CAMTA1: variants seen among roughly 807,000 people sequenced by gnomAD.
The protein encoded by CAMTA1 is calmodulin-binding transcription activator 1.
CAMTA1 carries 27 observed loss-of-function variants against 170.9 expected under a neutral mutation model. That is an observed-to-expected ratio of 0.16 (90% CI 0.12 to 0.22). The LOEUF is 0.22. CAMTA1 is among the 10% of genes least tolerant of loss of function. The pLI, the probability that CAMTA1 is intolerant of heterozygous loss-of-function variation, is 1.00. For missense variants in CAMTA1, 1,619 were observed against 2,217.2 expected, an observed-to-expected ratio of 0.73 and a Z score of 5.42; for synonymous variants, 833 against 891.5, an observed-to-expected ratio of 0.93 and a Z score of 1.17.
intron 5 of CAMTA1, among the ~76,000 whole-genome samples, chr1:7,360,829 C>T (rs845194): frequency 0.64 from 97,039 of 152,112 alleles, 32,511 homozygotes; most frequent in Middle Eastern, 0.76. Context: ...ACTTTCTCCA[C>T]GCCGGAGTTG....
intron 5 of CAMTA1, among the ~76,000 whole-genome samples, chr1:7,391,625 T>G (rs554316036): frequency 1.3e-5 from 2 of 152,296 alleles, no homozygotes; most frequent in South Asian, 4.1e-4. Context: ...AGATGGTTTC[T>G]ATCAGCTCAA....
intron 3 of CAMTA1, among the ~76,000 whole-genome samples, chr1:6,838,818 G>A (rs1654396817): frequency 1.3e-5 from 2 of 152,136 alleles, no homozygotes; most frequent in Admixed American, 1.3e-4. Context: ...GTGCAATGGT[G>A]CGATTATAGC....
At chr1:6,871,008 A>G (rs980631593) in intron 3 of CAMTA1, among the ~76,000 whole-genome samples, 1 of 152,244 alleles carries the variant, frequency 6.6e-6, no homozygotes, top group African/African-American at 2.4e-5. Flanking sequence ...AAACAAAACC[A>G]TAGGTCTATC....
At chr1:7,541,072 A>G (rs1266559722) in intron 6 of CAMTA1, among the ~76,000 whole-genome samples, 1 of 152,240 alleles carries the variant, frequency 6.6e-6, no homozygotes, top group Non-Finnish European at 1.5e-5. Context: ...GCTGGGCAGG[A>G]CAGAGTGACC....
intron 6 of CAMTA1, among the ~76,000 whole-genome samples, chr1:7,559,100 G>A (rs1269083041): frequency 7.9e-5 from 12 of 152,198 alleles, no homozygotes; most frequent in Non-Finnish European, 1.3e-4. Flanking sequence ...CATGGCAGCC[G>A]CTCAGGAAGG....
intron 5 of CAMTA1, among the ~76,000 whole-genome samples, chr1:7,353,500 A>T (rs1034521158): frequency 6.9e-6 from 1 of 144,906 alleles, no homozygotes; most frequent in Admixed American, 7.3e-5. Flanking sequence ...ATCGTGGCTC[A>T]CTGCAACCTC....
intron 3 of CAMTA1, among the ~76,000 whole-genome samples, chr1:7,043,224 CCCT>C (rs1248308003): frequency 6.6e-6 from 1 of 152,188 alleles, no homozygotes; most frequent in East Asian, 1.9e-4. Flanking sequence ...GAGGCAGGGG[CCCT>C]CCTCTTTCCC....
At chr1:7,244,613 C>T (rs981508295) in intron 4 of CAMTA1, among the ~76,000 whole-genome samples, 3 of 152,000 alleles carry the variant, frequency 2.0e-5, no homozygotes, top group Admixed American at 6.6e-5. Flanking sequence ...AAGCTGGAAA[C>T]CATCATTCTC....
chr1:7,368,435 G>A (rs1330504440), intron 5 of CAMTA1, among the ~76,000 whole-genome samples: 1 of 151,950 alleles, frequency 6.6e-6, no homozygotes, highest in Non-Finnish European at 1.5e-5. Flanking sequence ...GGGCACTCAT[G>A]GTTTCATTGG....
intron 3 of CAMTA1, among the ~76,000 whole-genome samples, chr1:6,909,708 G>A (rs897272892): frequency 3.9e-5 from 6 of 152,230 alleles, no homozygotes; most frequent in African/African-American, 1.4e-4. Flanking sequence ...GGTGGCCTGG[G>A]TACATTCAGC....
intron 3 of CAMTA1, among the ~76,000 whole-genome samples, chr1:6,868,954 A>G (rs1667573551): frequency 1.3e-5 from 2 of 152,178 alleles, no homozygotes; most frequent in African/African-American, 4.8e-5. Context: ...TTCCTGTCTA[A>G]TTCACTTACT....
At chr1:7,372,554 G>A (rs11579620) in intron 5 of CAMTA1, among the ~76,000 whole-genome samples, 26,564 of 152,168 alleles carry the variant, frequency 0.17, 2,923 homozygotes, top group East Asian at 0.53. Flanking sequence ...TGGGCATCTC[G>A]CGTTATTACG....
intron 4 of CAMTA1, among the ~76,000 whole-genome samples, chr1:7,233,952 T>G (rs921476096): frequency 2.0e-5 from 3 of 152,190 alleles, no homozygotes; most frequent in African/African-American, 4.8e-5. Flanking sequence ...TGCCCTCTGC[T>G]TTTTCTTCCT....
At chr1:7,413,202 TTTG>T (rs2090920507) in intron 5 of CAMTA1, among the ~76,000 whole-genome samples, 1 of 152,228 alleles carries the variant, frequency 6.6e-6, no homozygotes, top group African/African-American at 2.4e-5. Flanking sequence ...TGCCTCCGCC[TTTG>T]TTCTTTTGGC....
At chr1:7,566,424 G>A (rs1214203860) in intron 6 of CAMTA1, among the ~76,000 whole-genome samples, 1 of 152,188 alleles carries the variant, frequency 6.6e-6, no homozygotes, top group African/African-American at 2.4e-5. Context: ...CACCCACCGA[G>A]TTGCAGGCAG....
rs976261943 is a variant in CAMTA1 at position 7,680,812 on chromosome 1, G to C, written c.2914+3079G>C. Among the ~76,000 whole-genome samples the C allele has an allele frequency of 1.1e-4, 11 of 101,394 alleles. No homozygotes were observed. The highest frequency in any genetic ancestry group is 3.6e-4 in the East Asian group (1 of 2,794). 66.5% of individuals were successfully genotyped at this position (101,394 alleles called of 152,430 possible). A position where few individuals can be genotyped will look rare whatever the true frequency, so the allele number is the denominator to read the frequency against. On this transcript the variant is annotated intron_variant, in intron 11 of 22. Coordinates refer to ENST00000303635, the MANE Select transcript of CAMTA1 (RefSeq NM_015215.4). This position sits in a 1 kb window ranked among gnomAD's most constrained non-coding sequence, Gnocchi z 4.4. The stretch of plus-strand genomic sequence containing the variant: ...ATTTGTTTGCTTGGCTAAAGGCCGG[G>C]GGGGGGCGTGGGTCCGGGGCGCAGA...
rs1644177241 is a variant in CAMTA1 at position 7,113,383 on chromosome 1, G to A, written c.302+22012G>A. Among the ~76,000 whole-genome samples the A allele has an allele frequency of 6.6e-6, 1 of 152,208 alleles. No homozygotes were observed. Among genetic ancestry groups the A allele is most frequent in the East Asian group, 1.9e-4 (1 of 5,180 alleles). On this transcript the variant is annotated intron_variant, in intron 4 of 22. Coordinates refer to ENST00000303635, the MANE Select transcript of CAMTA1 (RefSeq NM_015215.4). This position sits in a 1 kb window ranked among gnomAD's most constrained non-coding sequence, Gnocchi z 4.5. ...GTGGGGTGGACGGCAGAGACACTCA[G>A]GTGGAGAAGCCAGATGCGGCCCCCT...
At chr1:7,239,240 C>G (rs1664431632) in intron 4 of CAMTA1, among the ~76,000 whole-genome samples, 1 of 152,184 alleles carries the variant, frequency 6.6e-6, no homozygotes, top group African/African-American at 2.4e-5. Flanking sequence ...ATCACTGTTA[C>G]AAATGAATAA....
At chr1:7,567,202 C>CCTG in intron 6 of CAMTA1, among the ~76,000 whole-genome samples, 1 of 152,186 alleles carries the variant, frequency 6.6e-6, no homozygotes, top group Admixed American at 6.5e-5. Flanking sequence ...GTAGAAGGGG[C>CCTG]CCATGGTGGC....
Sources: gnomAD v4.1 joint callset for allele counts (sites outside exome capture counted in the v4.1 genomes callset) on GRCh38, gnomAD v4.1.1 for gene constraint, Gnocchi (gnomAD v3.1) non-coding constraint, MANE v1.5 for transcripts, NCBI Gene and HGNC (gene_info 2026-07-23, HGNC 2026-07-21) for gene names.